Variants in NEK7 observed in about 807,000 individuals in gnomAD.
NEK7 encodes NIMA related kinase 7.
A neutral mutation model predicts 44.6 loss-of-function variants in NEK7; 18 were observed. That is an observed-to-expected ratio of 0.40 (90% CI 0.28 to 0.60). NEK7 has a LOEUF of 0.60. Among genes scored for constraint, NEK7 ranks in the 20% least tolerant of loss-of-function variants. The pLI, the probability that NEK7 is intolerant of heterozygous loss-of-function variation, is 0.38. For synonymous variants in NEK7, 130 were observed against 121.1 expected (o/e 1.07, Z -0.48); for missense variants, 256 against 366.5 (o/e 0.70, Z 2.46).
rs1332933555 is a variant in NEK7 at position 198,311,839 on chromosome 1, C to A, written c.799-7573C>A. 2.0e-5 allele frequency among the ~76,000 whole-genome samples: 3 copies of A among 152,176 alleles called. No homozygotes were observed. The South Asian group carries it at 6.2e-4, about 32-fold the overall frequency. ...TTGATGTGCTGCTGGATTCGGTTTG[C>A]CAGTATTTTATTGAGGATTTTTGCA... On this transcript the variant is annotated intron_variant, in intron 9 of 9. Coordinates refer to ENST00000367385, the MANE Select transcript of NEK7 (RefSeq NM_133494.3).
Position 198,305,888 on chromosome 1 carries a change from A to G in NEK7, c.798+8648A>G. Among the ~76,000 whole-genome samples, 3 of 152,186 alleles carry G rather than the reference A, an allele frequency of 2.0e-5. 1 individual carries two copies. The highest frequency in any genetic ancestry group is 1.9e-4 in the East Asian group (1 of 5,196). ...TGAAAGTCTAATAACCTAACAATCTATCTTTGACTGTGTGGAAGGTCACCC... is the reference window on the plus strand; with the variant it reads ...TGAAAGTCTAATAACCTAACAATCTGTCTTTGACTGTGTGGAAGGTCACCC... On this transcript the variant is annotated intron_variant, in intron 9 of 9. Coordinates refer to ENST00000367385, the MANE Select transcript of NEK7 (RefSeq NM_133494.3).
chr1:198,310,691 A>T (rs1309919570), intron 9 of NEK7, among the ~76,000 whole-genome samples: 1 of 152,114 alleles, frequency 6.6e-6, no homozygotes. Context: ...ACCATTTATT[A>T]AATAGGGAAT....
At chr1:198,204,000 A>G (rs935969008) in intron 1 of NEK7, among the ~76,000 whole-genome samples, 25 of 152,202 alleles carry the variant, frequency 1.6e-4, no homozygotes, top group Non-Finnish European at 1.6e-4. Context: ...GCTCATGCCC[A>G]TATCCCAGCA....
At chr1:198,250,210 G>A (rs1652885284) in intron 2 of NEK7, among the ~76,000 whole-genome samples, 2 of 147,760 alleles carry the variant, frequency 1.4e-5, no homozygotes, top group Admixed American at 6.8e-5. Flanking sequence ...CATTATTTCT[G>A]AGGGCTCTGT....
intron 5 of NEK7, among the ~76,000 whole-genome samples, chr1:198,270,821 A>G (rs1653812593): frequency 6.6e-6 from 1 of 152,058 alleles, no homozygotes; most frequent in Non-Finnish European, 1.5e-5. Flanking sequence ...AAGCAACACA[A>G]ATTTATTACT....
chr1:198,276,255 A>G (rs539533447), intron 5 of NEK7, among the ~76,000 whole-genome samples: 47 of 151,684 alleles, frequency 3.1e-4, no homozygotes, highest in Non-Finnish European at 4.3e-4. Flanking sequence ...TGCCAACTAC[A>G]TTATAATTAT....
At chr1:198,276,686 T>C (rs137908133) in intron 5 of NEK7, among the ~76,000 whole-genome samples, 1 of 151,914 alleles carries the variant, frequency 6.6e-6, no homozygotes, top group African/African-American at 2.4e-5. Flanking sequence ...TTGAAATTGC[T>C]AATAAATTTA....
chr1:198,292,034 C>G (rs1654574144), intron 7 of NEK7, among the ~76,000 whole-genome samples: 1 of 151,956 alleles, frequency 6.6e-6, no homozygotes, highest in Admixed American at 6.6e-5. Flanking sequence ...TAGCCCTTCC[C>G]TCAGGTAAAT....
At chr1:198,211,622 A>C (rs1014647865) in intron 1 of NEK7, among the ~76,000 whole-genome samples, 1 of 152,232 alleles carries the variant, frequency 6.6e-6, no homozygotes, top group African/African-American at 2.4e-5. Context: ...AAAAAATAAT[A>C]GGTTATTGAA....
chr1:198,230,225 A>T (rs1232360647), intron 1 of NEK7, among the ~76,000 whole-genome samples: 2 of 152,120 alleles, frequency 1.3e-5, no homozygotes, highest in African/African-American at 4.8e-5. Flanking sequence ...TGAAATGTTG[A>T]TTTTAATATT....
chr1:198,232,678 C>G (rs372857807), intron 2 of NEK7, 41 bp downstream of exon 2: 19 of 1,185,470 alleles, frequency 1.6e-5, no homozygotes, highest in Non-Finnish European at 2.1e-5. Context: ...TATATATAAT[C>G]TGTGTTAAAT....
At chr1:198,184,929 G>C (rs1179293338) in intron 1 of NEK7, among the ~76,000 whole-genome samples, 1 of 152,062 alleles carries the variant, frequency 6.6e-6, no homozygotes, top group Non-Finnish European at 1.5e-5. Context: ...GGCTGCTGTT[G>C]CACTTCTGGC....
rs1655521920 is a variant in NEK7 at position 198,321,085 on chromosome 1, A to C, written c.*1563A>C. On this transcript the variant is annotated 3_prime_UTR_variant, in exon 10 of 10. Transcript: ENST00000367385. Reference sequence around the variant, plus strand: ...AACGTGAAAACCTCATGTTCAAAGAACACTTCCCTTTAGCCGATGTAACTG... The same window carrying C: ...AACGTGAAAACCTCATGTTCAAAGACCACTTCCCTTTAGCCGATGTAACTG... 6.6e-6 allele frequency: 1 copy of C among 152,182 alleles called. No homozygotes were observed. 9.4% of individuals were successfully genotyped at this position (152,182 alleles called of 1,614,324 possible).
intron 1 of NEK7, among the ~76,000 whole-genome samples, chr1:198,219,543 G>C (rs2102840654): frequency 6.7e-6 from 1 of 149,152 alleles, no homozygotes; most frequent in East Asian, 2.1e-4. Context: ...ATGGACATTG[G>C]AGACTCAGAA....
intron 9 of NEK7, among the ~76,000 whole-genome samples, chr1:198,309,686 A>G (rs1438936564): frequency 6.6e-6 from 1 of 150,986 alleles, no homozygotes; most frequent in Non-Finnish European, 1.5e-5. Flanking sequence ...GAGTGAGAAT[A>G]TGCGGTGTTT....
intron 7 of NEK7, among the ~76,000 whole-genome samples, chr1:198,287,442 A>G (rs1654410639): frequency 6.6e-6 from 1 of 152,186 alleles, no homozygotes; most frequent in African/African-American, 2.4e-5. Flanking sequence ...GTTCTGTGGA[A>G]GAGGTTCCAA....
intron 1 of NEK7, among the ~76,000 whole-genome samples, chr1:198,190,793 T>C (rs777338410): frequency 6.6e-6 from 1 of 151,904 alleles, no homozygotes; most frequent in Non-Finnish European, 1.5e-5. Flanking sequence ...AGGATGATAA[T>C]TTTTTTTGTT....
chr1:198,179,619 A>G (rs1459779956), intron 1 of NEK7, among the ~76,000 whole-genome samples: 17 of 152,000 alleles, frequency 1.1e-4, no homozygotes, highest in Admixed American at 1.1e-3. Flanking sequence ...GCTGGGACAG[A>G]CTCTCCAGGA....
chr1:198,220,223 A>G (rs1408122886), intron 1 of NEK7, among the ~76,000 whole-genome samples: 1 of 152,040 alleles, frequency 6.6e-6, no homozygotes, highest in Non-Finnish European at 1.5e-5. Flanking sequence ...AACCCATTCA[A>G]GCTGGCTTTT....
Sources: allele counts gnomAD v4.1 joint callset (sites outside exome capture counted in the v4.1 genomes callset), GRCh38; gene constraint gnomAD v4.1.1; transcripts MANE v1.5; gene names NCBI Gene and HGNC (gene_info 2026-07-23, HGNC 2026-07-21).